LAMP5: variants seen among roughly 807,000 people sequenced by gnomAD.
The protein encoded by LAMP5 is lysosome-associated membrane glycoprotein 5.
Under a neutral mutation model 30.2 loss-of-function variants are expected in LAMP5, and 36 were observed. That is an observed-to-expected ratio of 1.19 (90% CI 0.91 to 1.57). The LOEUF (loss-of-function observed/expected upper bound fraction) is 1.57, where lower values mean the gene tolerates loss of function less well. LAMP5 is among the 40% of genes most tolerant of loss of function. The pLI, the probability that LAMP5 is intolerant of heterozygous loss-of-function variation, is 0.00. For synonymous variants in LAMP5, 149 were observed against 134.6 expected (o/e 1.11, Z -0.74); for missense variants, 377 against 354.9 (o/e 1.06, Z -0.50).
At chr20:9,521,143 G>C (rs1219574074) in intron 5 of LAMP5, among the ~76,000 whole-genome samples, 1 of 152,184 alleles carries the variant, frequency 6.6e-6, no homozygotes, top group Admixed American at 6.5e-5. Flanking sequence ...AGACTGTGCA[G>C]AGGGAAGCTT....
intron 5 of LAMP5, among the ~76,000 whole-genome samples, chr20:9,527,268 CA>C (rs2122849081): frequency 6.6e-6 from 1 of 152,178 alleles, no homozygotes; most frequent in South Asian, 2.1e-4. Context: ...TACTCCTGGG[CA>C]AACCACTTAT....
chr20:9,519,488 T>C (rs1473572890), intron 5 of LAMP5, among the ~76,000 whole-genome samples: 1 of 152,236 alleles, frequency 6.6e-6, no homozygotes, highest in Admixed American at 6.5e-5. Flanking sequence ...GGTGGAAGGA[T>C]AGGCTATCCC....
intron 5 of LAMP5, among the ~76,000 whole-genome samples, chr20:9,526,102 G>T (rs1195112069): frequency 6.6e-6 from 1 of 152,176 alleles, no homozygotes; most frequent in African/African-American, 2.4e-5. Flanking sequence ...GATGCCTGGG[G>T]CCTACTCAAG....
intron 2 of LAMP5, 61 bp downstream of exon 2, chr20:9,515,686 C>A: frequency 1.3e-6 from 2 of 1,557,278 alleles, no homozygotes; most frequent in South Asian, 2.4e-5. Flanking sequence ...GGGCACCCTT[C>A]CTCAAGGCTC....
Position 9,518,062 on chromosome 20 carries a change from G to C in LAMP5, c.498G>C (p.Ser166=). Residue 166 remains serine (S), a synonymous_variant, in exon 5 of 6, where the codon TCG becomes TCC. Coordinates refer to ENST00000246070, the MANE Select transcript of LAMP5 (RefSeq NM_012261.4). ...TAGCTGGGAAGCACACAGCCAACTC[G>C]CACCACCTCTCTGCCTTGGTCACCC... The part of the protein sequence containing the change: ...AVSAGKHTAN[S]HHLSALVTPA... 6.2e-7 allele frequency: 1 copy of C among 1,613,866 alleles called. No individual in the cohort carries two copies. The highest frequency in any genetic ancestry group is 8.5e-7 in the Non-Finnish European group (1 of 1,180,010).
intron 5 of LAMP5, among the ~76,000 whole-genome samples, chr20:9,529,330 A>G (rs542898622): frequency 6.8e-6 from 1 of 148,016 alleles, no homozygotes. Context: ...TGAATCAACA[A>G]TAAAAACAAT....
At chr20:9,526,780 A>T (rs2045115172) in intron 5 of LAMP5, among the ~76,000 whole-genome samples, 1 of 123,116 alleles carries the variant, frequency 8.1e-6, no homozygotes, top group South Asian at 2.3e-4. Context: ...CTATCTTTTA[A>T]AAAAGCTATT....
rs2045031799 is a variant in LAMP5 at position 9,515,673 on chromosome 20, G to T, written c.237+48G>T. 3.1e-6 allele frequency: 5 copies of T among 1,590,690 alleles called. No individual in the cohort carries two copies. The East Asian group carries it at 1.1e-4, about 36-fold the overall frequency. On this transcript the variant is annotated intron_variant, in intron 2 of 5. Coordinates refer to ENST00000246070, the MANE Select transcript of LAMP5 (RefSeq NM_012261.4). Reference sequence around the variant, plus strand: ...CAGCTTGCTCCTAGGGCTCCAGGGCGAAGGGCACCCTTCCTCAAGGCTCTT... The same window carrying T: ...CAGCTTGCTCCTAGGGCTCCAGGGCTAAGGGCACCCTTCCTCAAGGCTCTT...
In LAMP5 at chr20:9,529,654, C is replaced by T. The variant is rs111239272; in HGVS notation, c.677C>T (p.Pro226Leu). The change falls in exon 6 of 6, where the codon CCA becomes CTA. Residue 226 changes from proline (P) to leucine (L), a missense_variant. Coordinates refer to ENST00000246070, the MANE Select transcript of LAMP5 (RefSeq NM_012261.4). Reference protein sequence around the residue: ...DFVFSEEHKCPVDEREQLEET... With the variant: ...DFVFSEEHKCLVDEREQLEET... ...TTTCCCATTGCAGAGCATAAATGCCCAGTGGATGAGCGGGAGCAACTGGAA... is the reference window on the plus strand; with the variant it reads ...TTTCCCATTGCAGAGCATAAATGCCTAGTGGATGAGCGGGAGCAACTGGAA... 1 of 1,614,084 alleles carries T rather than the reference C, an allele frequency of 6.2e-7. No individual in the cohort carries two copies.
At chr20:9,515,030 G>A in intron 1 of LAMP5, 114 bp downstream of exon 1, 2 of 1,014,196 alleles carry the variant, frequency 2.0e-6, no homozygotes, top group Non-Finnish European at 3.0e-6. Flanking sequence ...AATGTTTTGC[G>A]GTGTTTTTTC....
At chr20:9,517,537 G>C (rs1568942989) in intron 4 of LAMP5, among the ~76,000 whole-genome samples, 1 of 151,860 alleles carries the variant, frequency 6.6e-6, no homozygotes, top group African/African-American at 2.4e-5. Flanking sequence ...AAGCTACTGG[G>C]CTCAAGAGAT....
In LAMP5 at chr20:9,514,737, C is replaced by G. The variant is rs1265686389; in HGVS notation, c.-116C>G. The G allele has an allele frequency of 4.7e-5, 42 of 891,988 alleles. No homozygotes were observed. The highest frequency in any genetic ancestry group is 7.4e-5 in the Non-Finnish European group (41 of 557,752). 55.3% of individuals were successfully genotyped at this position (891,988 alleles called of 1,614,324 possible). A position where few individuals can be genotyped will look rare whatever the true frequency, so the allele number is the denominator to read the frequency against. On this transcript the variant is annotated 5_prime_UTR_variant, in exon 1 of 6. Transcript: ENST00000246070. ...CAGAATACGCGCTCCCTCCCTCCCCCTTCTCTGTCCCCCGCCTCTCGCTCA... is the reference window on the plus strand; with the variant it reads ...CAGAATACGCGCTCCCTCCCTCCCCGTTCTCTGTCCCCCGCCTCTCGCTCA...
chr20:9,530,047 G>A lies in LAMP5; in HGVS notation c.*227G>A. 2.4e-6 allele frequency: 1 copy of A among 412,504 alleles called. No individual in the cohort carries two copies. The highest frequency in any genetic ancestry group is 5.5e-5 in the South Asian group (1 of 18,232). The allele number at this position is 412,504 out of a possible 1,614,324, so 25.6% of individuals were successfully genotyped here. A position where few individuals can be genotyped will look rare whatever the true frequency, so the allele number is the denominator to read the frequency against. On this transcript the variant is annotated 3_prime_UTR_variant, in exon 6 of 6. Transcript: ENST00000246070. ...CAATTATTCTCTCCATGCTGGGGAG[G>A]AGGGGAGGAGGGTCTCAGACAGCTT...
intron 4 of LAMP5, among the ~76,000 whole-genome samples, chr20:9,516,717 C>A (rs1297210253): frequency 1.3e-5 from 2 of 152,114 alleles, no homozygotes; most frequent in Non-Finnish European, 2.9e-5. Flanking sequence ...AATTTTCTTC[C>A]GCATCCTGGT....
chr20:9,519,995 C>T lies in LAMP5; in HGVS notation c.664+1767C>T, dbSNP rs147000180. The stretch of plus-strand genomic sequence containing the variant: ...AATAAGTACTGAATAAGGAGCAGAG[C>T]TACTTTCCTAAAAATCAGTACAATT... On this transcript the variant is annotated intron_variant, in intron 5 of 5. Transcript: ENST00000246070. 2.1e-4 allele frequency among the ~76,000 whole-genome samples: 32 copies of T among 152,322 alleles called. No individual in the cohort carries two copies. The East Asian group carries it at 5.8e-3, about 28-fold the overall frequency.
chr20:9,518,704 G>A (rs114444909), intron 5 of LAMP5, among the ~76,000 whole-genome samples: 1 of 152,250 alleles, frequency 6.6e-6, no homozygotes, highest in Non-Finnish European at 1.5e-5. Context: ...AGCTACAGAT[G>A]GGGGAAAGGG....
intron 5 of LAMP5, among the ~76,000 whole-genome samples, chr20:9,529,036 A>G (rs2045132792): frequency 6.6e-6 from 1 of 152,196 alleles, no homozygotes; most frequent in African/African-American, 2.4e-5. Flanking sequence ...TTAGGCTATT[A>G]TGAATAAAGC....
intron 5 of LAMP5, among the ~76,000 whole-genome samples, chr20:9,529,024 T>C (rs1402259848): frequency 6.6e-6 from 1 of 152,240 alleles, no homozygotes; most frequent in African/African-American, 2.4e-5. Context: ...TTGTTTCCAG[T>C]TTTAGGCTAT....
intron 5 of LAMP5, among the ~76,000 whole-genome samples, chr20:9,527,548 G>C (rs948399916): frequency 3.3e-5 from 5 of 152,306 alleles, no homozygotes; most frequent in African/African-American, 1.2e-4. Flanking sequence ...TTCTGGAGGA[G>C]ACTGGAATAC....
Sources: gnomAD v4.1 joint callset for allele counts (sites outside exome capture counted in the v4.1 genomes callset) on GRCh38, gnomAD v4.1.1 for gene constraint, MANE v1.5 for transcripts, NCBI Gene and HGNC (gene_info 2026-07-23, HGNC 2026-07-21) for gene names.